The following NEO1 variants were observed in gnomAD, a reference collection of about 807,000 sequenced individuals.
The protein encoded by NEO1 is neogenin.
A neutral mutation model predicts 159.7 loss-of-function variants in NEO1; 63 were observed. The ratio of observed to expected loss-of-function variants is 0.39; its 90% CI spans 0.32 to 0.49. The LOEUF is 0.49. Ranked by LOEUF, NEO1 falls within the 20% of genes least tolerant of loss-of-function variation. The probability of loss-of-function intolerance (pLI) is 0.85; values close to 1 mark genes in which losing one functional copy is unlikely to be tolerated. For synonymous variants in NEO1, 633 were observed against 662.0 expected (o/e 0.96, Z 0.67); for missense variants, 1,615 against 1,831.0 (o/e 0.88, Z 2.15).
At chr15:73,278,386 A>T (rs1378687628) in intron 22 of NEO1, among the ~76,000 whole-genome samples, 187 bp downstream of exon 22, 3 of 146,874 alleles carry the variant, frequency 2.0e-5, no homozygotes, top group Non-Finnish European at 2.9e-5. Context: ...CATAAATCAA[A>T]TTGTTTCCCC....
chr15:73,284,268 T>TG (rs1188708724), intron 23 of NEO1, among the ~76,000 whole-genome samples: 1 of 152,196 alleles, frequency 6.6e-6, no homozygotes, highest in African/African-American at 2.4e-5. Context: ...ATGGGGGTGT[T>TG]GCTCCGCTAG....
At chr15:73,099,098 C>G (rs912438169) in intron 1 of NEO1, among the ~76,000 whole-genome samples, 14 of 152,098 alleles carry the variant, frequency 9.2e-5, no homozygotes, top group Non-Finnish European at 2.9e-5. Context: ...TATTTTACTC[C>G]TGGAGATGCA....
At chr15:73,191,553 G>A (rs1385982869) in intron 7 of NEO1, among the ~76,000 whole-genome samples, 3 of 141,858 alleles carry the variant, frequency 2.1e-5, no homozygotes, top group South Asian at 2.3e-4. Flanking sequence ...ACAGAGTATC[G>A]ATGAGAATTC....
In NEO1 at chr15:73,126,398, T is replaced by G; in HGVS notation, c.725-19T>G. 1.9e-6 allele frequency: 3 copies of G among 1,564,566 alleles called. No homozygotes were observed. The highest frequency in any genetic ancestry group is 2.6e-6 in the Non-Finnish European group (3 of 1,156,688). On this transcript the variant is annotated intron_variant, in intron 3 of 28. Transcript: ENST00000261908. ...TTTGTCCTTTAATTATTGTCTTTGT[T>G]AATTTTTTTTTTTTTTAGATCCTGA...
intron 1 of NEO1, among the ~76,000 whole-genome samples, chr15:73,079,410 T>G (rs1007936024): frequency 1.3e-5 from 2 of 152,250 alleles, no homozygotes; most frequent in African/African-American, 2.4e-5. Context: ...TACTGCGTTA[T>G]AGTTGAAATG....
intron 5 of NEO1, among the ~76,000 whole-genome samples, chr15:73,167,986 G>A (rs1023844613): frequency 2.0e-5 from 3 of 152,058 alleles, no homozygotes; most frequent in Non-Finnish European, 4.4e-5. Flanking sequence ...ACACTCAAGA[G>A]TGGACTTAGG....
At chr15:73,091,812 A>G (rs1479340767) in intron 1 of NEO1, among the ~76,000 whole-genome samples, 13 of 148,348 alleles carry the variant, frequency 8.8e-5, no homozygotes, top group African/African-American at 3.0e-4. Context: ...AATCTTTCCC[A>G]GTAGAGGTCT....
intron 26 of NEO1, among the ~76,000 whole-genome samples, chr15:73,293,781 T>G (rs1236017139): frequency 6.6e-6 from 1 of 152,250 alleles, no homozygotes; most frequent in Non-Finnish European, 1.5e-5. Context: ...ACAGTATCTC[T>G]AATCACATAA....
chr15:73,205,863 G>A (rs1222142348), intron 7 of NEO1, among the ~76,000 whole-genome samples: 1 of 151,974 alleles, frequency 6.6e-6, no homozygotes, highest in African/African-American at 2.4e-5. Context: ...CATTGAAACT[G>A]GACATCTCTC....
intron 4 of NEO1, among the ~76,000 whole-genome samples, chr15:73,135,559 G>GA (rs2031654866): frequency 6.6e-6 from 1 of 152,066 alleles, no homozygotes; most frequent in African/African-American, 2.4e-5. Flanking sequence ...ACATAATTTG[G>GA]AAAAAAACTG....
intron 5 of NEO1, among the ~76,000 whole-genome samples, chr15:73,167,871 T>G (rs1421456578): frequency 6.6e-6 from 1 of 152,206 alleles, no homozygotes; most frequent in East Asian, 1.9e-4. Flanking sequence ...AGAGCTAACA[T>G]GTAAACATGA....
At chr15:73,184,520 CAAAT>C in intron 7 of NEO1, among the ~76,000 whole-genome samples, 1 of 152,208 alleles carries the variant, frequency 6.6e-6, no homozygotes, top group East Asian at 1.9e-4. Context: ...CAAAACCCCT[CAAAT>C]GTGTTTGTAG....
At chr15:73,144,958 AC>A (rs1316175938) in intron 5 of NEO1, among the ~76,000 whole-genome samples, 1 of 152,040 alleles carries the variant, frequency 6.6e-6, no homozygotes, top group African/African-American at 2.4e-5. Context: ...GTCATCTCTT[AC>A]CTATATTACT....
At chr15:73,181,487 C>T (rs2035609979) in intron 7 of NEO1, among the ~76,000 whole-genome samples, 1 of 152,108 alleles carries the variant, frequency 6.6e-6, no homozygotes, top group Non-Finnish European at 1.5e-5. Context: ...AGTTGGCTCC[C>T]AGTTCCACAG....
rs115898689 is a variant in NEO1, at chr15:73,078,243, G to A, written c.130+25438G>A. ...TTTAATAGTTTTATATTAGGGGAGGGGAAAGTGTTCCCTGTTCAAGTAAGC... is the reference window on the plus strand; with the variant it reads ...TTTAATAGTTTTATATTAGGGGAGGAGAAAGTGTTCCCTGTTCAAGTAAGC... On this transcript the variant is annotated intron_variant, in intron 1 of 28. Coordinates refer to ENST00000261908, the MANE Select transcript of NEO1 (RefSeq NM_002499.4). Among the ~76,000 whole-genome samples, 341 of 152,124 alleles carry A rather than the reference G, an allele frequency of 2.2e-3. 1 individual carries two copies. The highest frequency in any genetic ancestry group is 7.4e-3 in the African/African-American group (306 of 41,502).
chr15:73,169,876 G>A (rs925403838), intron 5 of NEO1, among the ~76,000 whole-genome samples: 2 of 151,564 alleles, frequency 1.3e-5, no homozygotes, highest in Admixed American at 1.3e-4. Flanking sequence ...TTGTGGGTGT[G>A]GGTATGTGCT....
intron 1 of NEO1, among the ~76,000 whole-genome samples, chr15:73,100,151 T>C (rs1233856390): frequency 6.6e-6 from 1 of 152,172 alleles, no homozygotes; most frequent in African/African-American, 2.4e-5. Context: ...CACCAGCGTC[T>C]ATAAATGTGC....
chr15:73,254,539 A>T (rs2040242976), intron 12 of NEO1, 143 bp from the exon 13 acceptor site: 1 of 757,182 alleles, frequency 1.3e-6, no homozygotes, highest in East Asian at 2.8e-5. Context: ...TTGAGTGATT[A>T]TTAAATAACT....
chr15:73,281,545 T>C (rs2041714470), intron 22 of NEO1, among the ~76,000 whole-genome samples: 1 of 152,170 alleles, frequency 6.6e-6, no homozygotes, highest in African/African-American at 2.4e-5. Flanking sequence ...CGTGAGCCAC[T>C]GCGCCAAGCC....
Sources: allele counts gnomAD v4.1 joint callset (sites outside exome capture counted in the v4.1 genomes callset), GRCh38; gene constraint gnomAD v4.1.1; transcripts MANE v1.5; gene names NCBI Gene and HGNC (gene_info 2026-07-23, HGNC 2026-07-21).